TIAM1: variants seen among roughly 807,000 people sequenced by gnomAD.
The protein encoded by TIAM1 is TIAM Rac1 associated GEF 1.
Under a neutral mutation model 163.5 loss-of-function variants are expected in TIAM1, and 65 were observed. The observed-to-expected ratio is 0.40, with a 90% confidence interval of 0.33 to 0.49. The LOEUF (loss-of-function observed/expected upper bound fraction) is 0.49. Ranked by LOEUF, TIAM1 falls within the 20% of genes least tolerant of loss-of-function variation. The pLI is 0.77. For synonymous variants in TIAM1, 833 were observed against 810.1 expected, an observed-to-expected ratio of 1.03 and a Z score of -0.48; for missense variants, 1,789 against 2,044.7, an observed-to-expected ratio of 0.87 and a Z score of 2.41.
chr21:31,436,013 T>C (rs886086691), intron 2 of TIAM1, among the ~76,000 whole-genome samples: 2 of 152,206 alleles, frequency 1.3e-5, no homozygotes, highest in Admixed American at 6.5e-5. Context: ...TGTGGTATTT[T>C]GTTATAGCAG....
intron 1 of TIAM1, among the ~76,000 whole-genome samples, chr21:31,490,015 G>A (rs73343487): frequency 0.012 from 1,895 of 152,212 alleles, 20 homozygotes; most frequent in Non-Finnish European, 0.021. Flanking sequence ...GAATTCTAGC[G>A]TTCACTGAAA....
At chr21:31,461,371 C>A (rs1180092869) in intron 2 of TIAM1, among the ~76,000 whole-genome samples, 2 of 152,092 alleles carry the variant, frequency 1.3e-5, no homozygotes. Flanking sequence ...GTAATCCCAG[C>A]TACTCAGGAG....
At chr21:31,334,050 G>A (rs907683746) in intron 2 of TIAM1, among the ~76,000 whole-genome samples, 2 of 152,156 alleles carry the variant, frequency 1.3e-5, no homozygotes, top group African/African-American at 4.8e-5. Flanking sequence ...GGTGAAAATC[G>A]GAAACGCTTC....
intron 2 of TIAM1, among the ~76,000 whole-genome samples, chr21:31,367,869 C>A (rs537559827): frequency 6.6e-6 from 1 of 152,272 alleles, no homozygotes; most frequent in Non-Finnish European, 1.5e-5. Flanking sequence ...CTTGGAATCA[C>A]GTAATCAATA....
intron 2 of TIAM1, among the ~76,000 whole-genome samples, chr21:31,309,543 G>GA (rs895807792): frequency 5.3e-5 from 8 of 152,134 alleles, no homozygotes; most frequent in Admixed American, 2.6e-4. Context: ...AACTTATTGG[G>GA]AAAAAAATCT....
At chr21:31,188,013 C>T (rs2085380628) in intron 13 of TIAM1, among the ~76,000 whole-genome samples, 1 of 151,960 alleles carries the variant, frequency 6.6e-6, no homozygotes, top group African/African-American at 2.4e-5. Flanking sequence ...AATATAGATA[C>T]CCATCGTAAT....
At chr21:31,422,570 A>G (rs1025691352) in intron 2 of TIAM1, among the ~76,000 whole-genome samples, 1 of 152,122 alleles carries the variant, frequency 6.6e-6, no homozygotes, top group Non-Finnish European at 1.5e-5. Flanking sequence ...TACATATAAC[A>G]AAAACATCCT....
intron 2 of TIAM1, among the ~76,000 whole-genome samples, chr21:31,315,621 A>G (rs545004107): frequency 3.1e-4 from 41 of 134,188 alleles, no homozygotes; most frequent in African/African-American, 1.2e-3. Flanking sequence ...GTTGTAAGTG[A>G]GCCAACATAG....
chr21:31,424,114 T>C (rs2043696144), intron 2 of TIAM1, among the ~76,000 whole-genome samples: 1 of 152,224 alleles, frequency 6.6e-6, no homozygotes, highest in African/African-American at 2.4e-5. Flanking sequence ...AATGGTCTAA[T>C]TGGGAGAAAC....
intron 2 of TIAM1, among the ~76,000 whole-genome samples, chr21:31,436,930 C>A (rs1040913519): frequency 6.6e-6 from 1 of 152,034 alleles, no homozygotes; most frequent in African/African-American, 2.4e-5. Flanking sequence ...TGTACTCCAG[C>A]CTGGGTGACA....
At chr21:31,529,668 T>G (rs1396712324) in intron 1 of TIAM1, among the ~76,000 whole-genome samples, 1 of 152,170 alleles carries the variant, frequency 6.6e-6, no homozygotes, top group Non-Finnish European at 1.5e-5. Flanking sequence ...CATTGCTCCT[T>G]CCCAAATACC....
At chr21:31,326,137 G>A (rs1321001807) in intron 2 of TIAM1, among the ~76,000 whole-genome samples, 1 of 152,062 alleles carries the variant, frequency 6.6e-6, no homozygotes, top group Non-Finnish European at 1.5e-5. Flanking sequence ...CCCTCCCGCA[G>A]GTGAGCCACT....
chr21:31,237,003 T>C (rs755362517), intron 6 of TIAM1, among the ~76,000 whole-genome samples: 1 of 152,140 alleles, frequency 6.6e-6, no homozygotes, highest in Non-Finnish European at 1.5e-5. Context: ...TGGGTGAATA[T>C]AGAAACAAAG....
At chr21:31,531,173 C>T (rs1201210093) in intron 1 of TIAM1, among the ~76,000 whole-genome samples, 2 of 152,172 alleles carry the variant, frequency 1.3e-5, no homozygotes, top group Non-Finnish European at 2.9e-5. Context: ...AGACTGTTTA[C>T]TCCCCCCTTC....
chr21:31,140,227 C>T (rs1158947710), intron 22 of TIAM1, among the ~76,000 whole-genome samples: 2 of 152,132 alleles, frequency 1.3e-5, no homozygotes, highest in Non-Finnish European at 2.9e-5. Context: ...CACTAAACAA[C>T]CAAACTTTGC....
At chr21:31,550,444 T>A (rs2048644374) in intron 1 of TIAM1, among the ~76,000 whole-genome samples, 1 of 152,130 alleles carries the variant, frequency 6.6e-6, no homozygotes, top group African/African-American at 2.4e-5. Context: ...AAATCCATGG[T>A]GACAGAAAGT....
intron 4 of TIAM1, among the ~76,000 whole-genome samples, chr21:31,253,258 T>C (rs1344327420): frequency 6.6e-6 from 1 of 152,232 alleles, no homozygotes; most frequent in Non-Finnish European, 1.5e-5. Flanking sequence ...GAGTCTAATA[T>C]AGAAGATGCC....
At chr21:31,331,133 G>C (rs1029938977) in intron 2 of TIAM1, among the ~76,000 whole-genome samples, 2 of 152,066 alleles carry the variant, frequency 1.3e-5, no homozygotes, top group African/African-American at 4.8e-5. Context: ...AAAATGCTGG[G>C]TTGAATGCAT....
chr21:31,158,761 G>C (rs890832572), intron 16 of TIAM1, among the ~76,000 whole-genome samples: 1 of 151,988 alleles, frequency 6.6e-6, no homozygotes, highest in Non-Finnish European at 1.5e-5. Context: ...CCATACTGTG[G>C]GGCTCAGCTT....
Sources: allele counts gnomAD v4.1 joint callset (sites outside exome capture counted in the v4.1 genomes callset), GRCh38; gene constraint gnomAD v4.1.1; transcripts MANE v1.5; gene names NCBI Gene and HGNC (gene_info 2026-07-23, HGNC 2026-07-21).